Variants in ASTN2 observed in about 807,000 individuals in gnomAD.
The protein encoded by ASTN2 is astrotactin 2.
A neutral mutation model predicts 139.8 loss-of-function variants in ASTN2; 54 were observed. The ratio of observed to expected loss-of-function variants is 0.39; its 90% CI spans 0.31 to 0.48. The LOEUF (loss-of-function observed/expected upper bound fraction) is 0.48, where lower values mean the gene tolerates loss of function less well. ASTN2 is among the 20% of genes least tolerant of loss of function. The probability of loss-of-function intolerance (pLI) is 0.95; values close to 1 mark genes in which losing one functional copy is unlikely to be tolerated. For synonymous variants in ASTN2, 756 were observed against 719.5 expected (o/e 1.05, Z -0.81); for missense variants, 1,565 against 1,725.1 (o/e 0.91, Z 1.64).
intron 4 of ASTN2, among the ~76,000 whole-genome samples, chr9:117,135,376 T>A (rs1020922147): frequency 6.6e-6 from 1 of 152,220 alleles, no homozygotes; most frequent in African/African-American, 2.4e-5. Context: ...GCAAGGTGCC[T>A]AGAACATACC....
At chr9:116,772,070 A>C (rs983780407) in intron 13 of ASTN2, among the ~76,000 whole-genome samples, 1 of 152,234 alleles carries the variant, frequency 6.6e-6, no homozygotes. Context: ...CTCTCTTTTA[A>C]ACATCAGAAT....
At chr9:116,477,304 T>C (rs1849012693) in intron 20 of ASTN2, among the ~76,000 whole-genome samples, 1 of 152,230 alleles carries the variant, frequency 6.6e-6, no homozygotes, top group East Asian at 1.9e-4. Context: ...AGGCCCCAAC[T>C]GTGCACTTTG....
chr9:116,512,217 A>T (rs1171030506), intron 19 of ASTN2, among the ~76,000 whole-genome samples: 1 of 152,030 alleles, frequency 6.6e-6, no homozygotes, highest in East Asian at 1.9e-4. Flanking sequence ...GTTCTCGTTG[A>T]TTTCAAAGAA....
chr9:116,807,726 C>A (rs1831064452), intron 12 of ASTN2, among the ~76,000 whole-genome samples: 1 of 151,990 alleles, frequency 6.6e-6, no homozygotes, highest in East Asian at 1.9e-4. Flanking sequence ...GGCTAGAGTT[C>A]TCTCTCTCTC....
At chr9:116,537,512 A>G (rs1269208196) in intron 19 of ASTN2, among the ~76,000 whole-genome samples, 1 of 152,236 alleles carries the variant, frequency 6.6e-6, no homozygotes, top group Admixed American at 6.5e-5. Context: ...TAATGTATAC[A>G]TGTGGTAGGA....
chr9:116,713,210 C>G (rs1157062781), intron 16 of ASTN2, among the ~76,000 whole-genome samples: 1 of 152,168 alleles, frequency 6.6e-6, no homozygotes, highest in Non-Finnish European at 1.5e-5. Context: ...TTGTAAACTT[C>G]AATGATTCTG....
intron 11 of ASTN2, among the ~76,000 whole-genome samples, chr9:116,824,204 T>C (rs1211778887): frequency 6.6e-6 from 1 of 152,192 alleles, no homozygotes; most frequent in Non-Finnish European, 1.5e-5. Context: ...GGGTAAATAG[T>C]ACGGTAGCCA....
intron 5 of ASTN2, among the ~76,000 whole-genome samples, chr9:117,076,406 AAG>A (rs1340629828): frequency 1.3e-5 from 2 of 150,806 alleles, no homozygotes; most frequent in Non-Finnish European, 3.0e-5. Flanking sequence ...GAAGGAGAAA[AAG>A]AGGGGGGGAT....
chr9:117,184,385 C>T (rs373377662), intron 3 of ASTN2, among the ~76,000 whole-genome samples: 2 of 152,146 alleles, frequency 1.3e-5, no homozygotes, highest in East Asian at 1.9e-4. Flanking sequence ...CAGCACTTAA[C>T]GCAATTATAA....
intron 19 of ASTN2, among the ~76,000 whole-genome samples, chr9:116,607,230 T>C (rs527781110): frequency 4.6e-5 from 7 of 152,338 alleles, no homozygotes; most frequent in Admixed American, 1.3e-4. Context: ...TGTCTAACCA[T>C]ATGCAATTCA....
intron 7 of ASTN2, among the ~76,000 whole-genome samples, chr9:116,981,255 C>G (rs1343170700): frequency 6.6e-6 from 1 of 152,110 alleles, no homozygotes; most frequent in Non-Finnish European, 1.5e-5. Flanking sequence ...AAAGGGTAGG[C>G]AACTCAATTA....
intron 3 of ASTN2, among the ~76,000 whole-genome samples, chr9:117,150,419 C>T (rs1830302006): frequency 2.0e-5 from 3 of 152,034 alleles, no homozygotes; most frequent in African/African-American, 7.2e-5. Flanking sequence ...TACTATAGGC[C>T]CACAAATCCT....
intron 1 of ASTN2, among the ~76,000 whole-genome samples, chr9:117,339,736 A>G (rs1028608913): frequency 2.0e-5 from 3 of 151,896 alleles, no homozygotes; most frequent in Admixed American, 6.6e-5. Context: ...AGATTACCCA[A>G]ATGTTTGGGG....
chr9:116,884,974 C>T (rs965946313), intron 10 of ASTN2, among the ~76,000 whole-genome samples: 15 of 151,986 alleles, frequency 9.9e-5, no homozygotes, highest in African/African-American at 3.6e-4. Flanking sequence ...CGCCACTGTG[C>T]CCGGCTAATT....
intron 2 of ASTN2, among the ~76,000 whole-genome samples, chr9:117,277,730 T>C (rs571095773): frequency 6.6e-6 from 1 of 152,218 alleles, no homozygotes; most frequent in African/African-American, 2.4e-5. Context: ...ATTATGTTGC[T>C]TATGTAGGAT....
rs550044436 is a variant in ASTN2, at chr9:116,907,025, G to C, written c.1890-43292C>G. The stretch of plus-strand genomic sequence containing the variant: ...GCAACTATAATGTAATCTTTACTAC[G>C]AGCATTGCATTCATTTTCTCATCTG... On this transcript the variant is annotated intron_variant, in intron 10 of 22. Coordinates refer to ENST00000313400, the MANE Select transcript of ASTN2 (RefSeq NM_001365068.1). 2.4e-3 allele frequency among the ~76,000 whole-genome samples: 359 copies of C among 152,046 alleles called. 3 individuals carry two copies. In the Middle Eastern group the frequency reaches 0.068, roughly 29 times the overall value.
At chr9:117,267,866 T>A (rs1036987234) in intron 2 of ASTN2, among the ~76,000 whole-genome samples, 4 of 152,164 alleles carry the variant, frequency 2.6e-5, no homozygotes, top group Admixed American at 2.6e-4. Flanking sequence ...TTTGATGGTA[T>A]GTGGGGTGAA....
intron 4 of ASTN2, among the ~76,000 whole-genome samples, chr9:117,138,501 G>T (rs1205033752): frequency 6.6e-6 from 1 of 152,224 alleles, no homozygotes; most frequent in Non-Finnish European, 1.5e-5. Context: ...AGGAGCCAGA[G>T]CCAGATCCGC....
chr9:117,249,162 T>C (rs1833468282), intron 2 of ASTN2, among the ~76,000 whole-genome samples: 1 of 152,134 alleles, frequency 6.6e-6, no homozygotes, highest in Admixed American at 6.5e-5. Context: ...GCTGAAGTCG[T>C]ATGAAGTTCT....
Sources: gnomAD v4.1 joint callset for allele counts (sites outside exome capture counted in the v4.1 genomes callset) on GRCh38, gnomAD v4.1.1 for gene constraint, MANE v1.5 for transcripts, NCBI Gene and HGNC (gene_info 2026-07-23, HGNC 2026-07-21) for gene names.